Variants in MSI2 observed in about 807,000 individuals in gnomAD.
MSI2 encodes musashi RNA binding protein 2.
Under a neutral mutation model 45.6 loss-of-function variants are expected in MSI2, and 17 were observed. The ratio of observed to expected loss-of-function variants is 0.37; its 90% CI spans 0.26 to 0.56. MSI2 has a LOEUF of 0.56. MSI2 is among the 20% of genes least tolerant of loss of function. The pLI, the probability that MSI2 is intolerant of heterozygous loss-of-function variation, is 0.77. For synonymous variants in MSI2, 156 were observed against 158.2 expected, an observed-to-expected ratio of 0.99 and a Z score of 0.11; for missense variants, 293 against 444.2, an observed-to-expected ratio of 0.66 and a Z score of 3.06.
At chr17:57,696,445 T>G in the MSI2 span, among the ~76,000 whole-genome samples, 134,188 of 152,248 alleles carry the variant, frequency 0.88, 59,286 homozygotes, top group Middle Eastern at 0.91. Flanking sequence ...CATATTAAAG[T>G]TTTTAGAATT....
intron 5 of MSI2, among the ~76,000 whole-genome samples, chr17:57,292,997 T>C (rs551337250): frequency 4.3e-4 from 65 of 152,238 alleles, no homozygotes; most frequent in Admixed American, 9.2e-4. Context: ...CCCGTTTAAG[T>C]AGTAAGCTGA....
At chr17:57,464,704 G>T (rs548107640) in intron 6 of MSI2, among the ~76,000 whole-genome samples, 43 of 152,184 alleles carry the variant, frequency 2.8e-4, no homozygotes, top group Non-Finnish European at 5.9e-4. Flanking sequence ...ACACTCTTTG[G>T]AAGCCTGAGA....
chr17:57,401,418 T>C lies in MSI2; in HGVS notation c.352T>C (p.Ser118Pro), dbSNP rs2083988171. ...AAAGAAAATATTTGTAGGCGGGTTATCTGCGAACACAGTAGTGGAAGATGT... is the reference window on the plus strand; with the variant it reads ...AAAGAAAATATTTGTAGGCGGGTTACCTGCGAACACAGTAGTGGAAGATGT... ...RTKKIFVGGLSANTVVEDVKQ... is the reference protein window; with the variant it reads ...RTKKIFVGGLPANTVVEDVKQ... Residue 118 changes from serine (S) to proline (P), a missense_variant, in exon 6 of 14, where the codon TCT (serine) becomes CCT (proline). By Grantham distance (74) the Ser-to-Pro change is moderately conservative. Transcript: ENST00000284073. 1.2e-6 allele frequency: 2 copies of C among 1,614,106 alleles called. No individual in the cohort carries two copies. Among genetic ancestry groups the C allele is most frequent in the African/African-American group, 2.7e-5 (2 of 74,944 alleles).
intron 7 of MSI2, among the ~76,000 whole-genome samples, chr17:57,590,718 G>A (rs1171562890): frequency 6.6e-6 from 1 of 152,142 alleles, no homozygotes; most frequent in East Asian, 1.9e-4. Flanking sequence ...GGAAGTGTGG[G>A]GTGCAGTTAA....
chr17:57,305,308 C>T (rs1161611269), intron 5 of MSI2, among the ~76,000 whole-genome samples: 1 of 152,142 alleles, frequency 6.6e-6, no homozygotes, highest in Non-Finnish European at 1.5e-5. Context: ...GAAAGTCAGG[C>T]ATCTCTGGAG....
chr17:57,368,152 A>G (rs1367040811), intron 5 of MSI2, among the ~76,000 whole-genome samples: 1 of 152,158 alleles, frequency 6.6e-6, no homozygotes, highest in Admixed American at 6.6e-5. Context: ...TTTCATTCTC[A>G]TCCTTTTATG....
chr17:57,319,339 C>T (rs1173959682), intron 5 of MSI2, among the ~76,000 whole-genome samples: 5 of 152,178 alleles, frequency 3.3e-5, no homozygotes, highest in Admixed American at 1.3e-4. Flanking sequence ...ACATGTGTTT[C>T]GGTGGCATGG....
In MSI2 at chr17:57,598,613, T is replaced by A. The variant is rs144816018; in HGVS notation, c.537+1663T>A. Among the ~76,000 whole-genome samples, 559 of 152,184 alleles carry A rather than the reference T, an allele frequency of 3.7e-3. 3 individuals carry two copies. Among genetic ancestry groups the A allele is most frequent in the Middle Eastern group, 6.8e-3 (2 of 294 alleles). On this transcript the variant is annotated intron_variant, in intron 8 of 13. Coordinates refer to ENST00000284073, the MANE Select transcript of MSI2 (RefSeq NM_138962.4). ...ATAGGCTTTCTCAGCTCCCCAGATG[T>A]CCGTGCAAGTTTACAGTTGGTACTT... is the stretch of plus-strand genomic sequence containing the variant.
rs34727727 is a variant in MSI2, at chr17:57,512,968, C to CTTT, written c.406-16693_406-16691dup. Among the ~76,000 whole-genome samples the CTTT allele has an allele frequency of 2.2e-3, 256 of 114,718 alleles. 9 individuals are homozygous for CTTT. Among genetic ancestry groups the CTTT allele is most frequent in the Non-Finnish European group, 3.4e-3 (202 of 59,474 alleles). The allele number at this position is 114,718 out of a possible 152,430, so 75.3% of individuals were successfully genotyped here. A position where few individuals can be genotyped will look rare whatever the true frequency, so the allele number is the denominator to read the frequency against. ...ATATTGCACATGAATTAGCTTCTTC[C>CTTT]TTTTTTTTTTTTTTTTTCCTTCTGA... On this transcript the variant is annotated intron_variant, in intron 6 of 13. Transcript: ENST00000284073.
chr17:57,621,341 G>T (rs962528634), intron 9 of MSI2, among the ~76,000 whole-genome samples: 1 of 152,218 alleles, frequency 6.6e-6, no homozygotes, highest in Non-Finnish European at 1.5e-5. Context: ...AGGTTTCCAT[G>T]ATTTAAACTT....
At chr17:57,410,531 C>A (rs1443823875) in intron 6 of MSI2, among the ~76,000 whole-genome samples, 1 of 151,428 alleles carries the variant, frequency 6.6e-6, no homozygotes, top group African/African-American at 2.4e-5. Context: ...AAAAATTCTG[C>A]CCCAATGTAG....
intron 10 of MSI2, among the ~76,000 whole-genome samples, chr17:57,639,488 G>A (rs923505196): frequency 2.4e-4 from 37 of 152,216 alleles, no homozygotes; most frequent in Non-Finnish European, 4.4e-4. Context: ...TTTGTGAGCC[G>A]GGGATGCTGA....
intron 5 of MSI2, among the ~76,000 whole-genome samples, chr17:57,350,324 CAGACATGGTGCTCTGG>C (rs979918007): frequency 6.6e-6 from 1 of 151,566 alleles, no homozygotes; most frequent in African/African-American, 2.4e-5. Context: ...CCTTAGAGTC[CAGACATGGTGCTCTGG>C]AATAGCCGTT....
intron 11 of MSI2, among the ~76,000 whole-genome samples, chr17:57,655,218 A>G (rs1255904144): frequency 6.6e-6 from 1 of 152,090 alleles, no homozygotes; most frequent in East Asian, 1.9e-4. Context: ...TAACTTCACT[A>G]TCAGTGGTCA....
chr17:57,356,450 A>G (rs1352487715), intron 5 of MSI2, among the ~76,000 whole-genome samples: 6 of 152,196 alleles, frequency 3.9e-5, no homozygotes, highest in Non-Finnish European at 8.8e-5. Context: ...GCAATCCGAC[A>G]TAGACATCAT....
At chr17:57,479,083 G>A (rs146110319) in intron 6 of MSI2, among the ~76,000 whole-genome samples, 223 of 152,288 alleles carry the variant, frequency 1.5e-3, no homozygotes, top group African/African-American at 5.1e-3. Context: ...AACAGGACTA[G>A]AGGGAAGGGG....
At chr17:57,587,817 A>G (rs1035481494) in intron 7 of MSI2, among the ~76,000 whole-genome samples, 1 of 152,200 alleles carries the variant, frequency 6.6e-6, no homozygotes, top group African/African-American at 2.4e-5. Flanking sequence ...TCTCCTCATT[A>G]TTAAGAGATG....
chr17:57,616,538 C>G (rs1598455853), intron 9 of MSI2: 1 of 152,258 alleles, frequency 6.6e-6, no homozygotes, highest in African/African-American at 2.4e-5. Context: ...GGGCGATAAT[C>G]CTGTCTATTT....
At chr17:57,322,328 C>A (rs546397448) in intron 5 of MSI2, among the ~76,000 whole-genome samples, 1 of 152,196 alleles carries the variant, frequency 6.6e-6, no homozygotes, top group African/African-American at 2.4e-5. Flanking sequence ...ACTTTGTGGT[C>A]AGGGTTTGGT....
Sources: gnomAD v4.1 joint callset for allele counts (sites outside exome capture counted in the v4.1 genomes callset) on GRCh38, gnomAD v4.1.1 for gene constraint, MANE v1.5 for transcripts, NCBI Gene and HGNC (gene_info 2026-07-23, HGNC 2026-07-21) for gene names.